The following DACH1 variants were observed in gnomAD, a reference collection of about 807,000 sequenced individuals.
DACH1 encodes dachshund family transcription factor 1.
In DACH1, 12 loss-of-function variants were observed where a neutral mutation model predicts 54.2. The observed-to-expected ratio is 0.22, with a 90% CI of 0.14 to 0.36. The LOEUF (loss-of-function observed/expected upper bound fraction) is 0.36, where lower values mean the gene tolerates loss of function less well. DACH1 is among the 10% of genes least tolerant of loss of function. DACH1 has a pLI of 1.00. For synonymous variants in DACH1, 386 were observed against 366.2 expected (o/e 1.05, Z -0.62); for missense variants, 805 against 929.8 (o/e 0.87, Z 1.75).
chr13:71,657,095 A>G (rs1879161728), intron 2 of DACH1, among the ~76,000 whole-genome samples: 2 of 151,164 alleles, frequency 1.3e-5, no homozygotes, highest in African/African-American at 4.9e-5. Flanking sequence ...CTTCTTAGTT[A>G]TAAATTATTG....
chr13:71,836,784 C>T (rs536600733), intron 1 of DACH1, among the ~76,000 whole-genome samples: 1 of 152,032 alleles, frequency 6.6e-6, no homozygotes, highest in South Asian at 2.1e-4. Context: ...TCTTCATACC[C>T]CAAGCTCTCT....
rs140433117 is a variant in DACH1, at chr13:71,812,292, G to A, written c.848+53630C>T. ...CTCCCTTACAGAATGTATCAGCACA[G>A]TACATTCTGATATGTTTTATTTTCA... On this transcript the variant is annotated intron_variant, in intron 1 of 10. Coordinates refer to ENST00000613252, the MANE Select transcript of DACH1 (RefSeq NM_080759.6). Among the ~76,000 whole-genome samples, 186 of 152,276 alleles carry A rather than the reference G, an allele frequency of 1.2e-3. 1 individual carries two copies. In the East Asian group the frequency reaches 0.014, roughly 12 times the overall value.
intron 5 of DACH1, among the ~76,000 whole-genome samples, chr13:71,559,176 C>T (rs1356671109): frequency 6.6e-6 from 1 of 152,002 alleles, no homozygotes; most frequent in African/African-American, 2.4e-5. Context: ...GCCATAACTA[C>T]CAAGATTAAA....
chr13:71,709,265 TGC>T (rs1190860726), intron 1 of DACH1, among the ~76,000 whole-genome samples: 2 of 152,154 alleles, frequency 1.3e-5, no homozygotes, highest in African/African-American at 2.4e-5. Context: ...ATTAATAAAA[TGC>T]GTTATATATA....
chr13:71,668,236 C>A (rs1879977561), intron 2 of DACH1, among the ~76,000 whole-genome samples: 1 of 151,886 alleles, frequency 6.6e-6, no homozygotes, highest in Non-Finnish European at 1.5e-5. Context: ...GTAAATTAAA[C>A]CCAAAATAAT....
intron 2 of DACH1, among the ~76,000 whole-genome samples, chr13:71,644,416 C>T (rs1878129623): frequency 6.6e-6 from 1 of 152,168 alleles, no homozygotes; most frequent in African/African-American, 2.4e-5. Context: ...ACTACATCCA[C>T]TTTTTCAGCT....
intron 3 of DACH1, among the ~76,000 whole-genome samples, chr13:71,575,686 G>A (rs1336555920): frequency 1.3e-5 from 2 of 151,916 alleles, no homozygotes; most frequent in African/African-American, 4.8e-5. Context: ...TTGTGCACAG[G>A]TAAATATCAA....
At chr13:71,787,452 T>A (rs1311904315) in intron 1 of DACH1, among the ~76,000 whole-genome samples, 1 of 152,148 alleles carries the variant, frequency 6.6e-6, no homozygotes, top group East Asian at 1.9e-4. Flanking sequence ...CCTTCCTAGG[T>A]TTTAGGATTT....
At chr13:71,533,130 C>T (rs1215969276) in intron 6 of DACH1, among the ~76,000 whole-genome samples, 1 of 151,240 alleles carries the variant, frequency 6.6e-6, no homozygotes, top group Non-Finnish European at 1.5e-5. Context: ...ATATCAATAA[C>T]ATTCTTTTAA....
intron 1 of DACH1, among the ~76,000 whole-genome samples, chr13:71,829,209 A>G (rs1355488816): frequency 1.3e-5 from 2 of 151,956 alleles, no homozygotes; most frequent in Admixed American, 6.6e-5. Flanking sequence ...TACAAATCAC[A>G]TAAGATAAAT....
intron 1 of DACH1, among the ~76,000 whole-genome samples, chr13:71,737,180 G>A (rs1424723836): frequency 6.6e-6 from 1 of 151,846 alleles, no homozygotes; most frequent in Admixed American, 6.6e-5. Context: ...CTAAGATCAC[G>A]CCTTTGCACT....
At chr13:71,477,174 G>T (rs1339793735) in intron 8 of DACH1, among the ~76,000 whole-genome samples, 1 of 133,440 alleles carries the variant, frequency 7.5e-6, no homozygotes, top group Admixed American at 8.5e-5. Context: ...AGGCTGGAGT[G>T]CAGTGGCGCG....
intron 1 of DACH1, among the ~76,000 whole-genome samples, chr13:71,759,813 A>C (rs1885325782): frequency 6.6e-6 from 1 of 152,176 alleles, no homozygotes; most frequent in Non-Finnish European, 1.5e-5. Flanking sequence ...GAGAAAAAAA[A>C]AATCTGAAAT....
At chr13:71,709,755 T>A (rs1882622097) in intron 1 of DACH1, among the ~76,000 whole-genome samples, 1 of 152,216 alleles carries the variant, frequency 6.6e-6, no homozygotes, top group Admixed American at 6.5e-5. Context: ...AGTTGGGTAC[T>A]GTCCGCCATT....
chr13:71,564,597 A>G (rs1435389895), intron 4 of DACH1, among the ~76,000 whole-genome samples: 1 of 152,150 alleles, frequency 6.6e-6, no homozygotes, highest in Admixed American at 6.5e-5. Flanking sequence ...CAGAATCAAA[A>G]ATAGAATTCA....
chr13:71,622,787 T>C lies in DACH1; in HGVS notation c.1126+7769A>G, dbSNP rs569181076. 2.6e-5 allele frequency among the ~76,000 whole-genome samples: 4 copies of C among 151,940 alleles called. No individual in the cohort carries two copies. In the East Asian group the frequency reaches 7.7e-4, roughly 29 times the overall value. ...TTTATAATTACATGAGGATATAGTG[T>C]CAAATAAAATCACTTAACTTTTATT... On this transcript the variant is annotated intron_variant, in intron 3 of 10. Coordinates refer to ENST00000613252, the MANE Select transcript of DACH1 (RefSeq NM_080759.6).
chr13:71,491,333 A>G (rs1183422959), intron 6 of DACH1, among the ~76,000 whole-genome samples: 2 of 152,136 alleles, frequency 1.3e-5, no homozygotes, highest in African/African-American at 4.8e-5. Context: ...TTATTTCTTC[A>G]GATACTCCAT....
At chr13:71,609,052 G>A (rs1875104642) in intron 3 of DACH1, among the ~76,000 whole-genome samples, 1 of 152,042 alleles carries the variant, frequency 6.6e-6, no homozygotes, top group Non-Finnish European at 1.5e-5. Flanking sequence ...AAGGAGAAAA[G>A]TAATAATCCT....
At chr13:71,717,876 CA>C (rs1180440151) in intron 1 of DACH1, among the ~76,000 whole-genome samples, 2 of 150,560 alleles carry the variant, frequency 1.3e-5, no homozygotes, top group Non-Finnish European at 3.0e-5. Flanking sequence ...ATTAGTAGTC[CA>C]AAAAAACTTT....
Sources: gnomAD v4.1 joint callset for allele counts (sites outside exome capture counted in the v4.1 genomes callset) on GRCh38, gnomAD v4.1.1 for gene constraint, MANE v1.5 for transcripts, NCBI Gene and HGNC (gene_info 2026-07-23, HGNC 2026-07-21) for gene names.